Variants in ITGA9 observed in about 807,000 individuals in gnomAD.
ITGA9 encodes the protein integrin alpha-9.
A neutral mutation model predicts 127.8 loss-of-function variants in ITGA9; 56 were observed. That is an observed-to-expected ratio of 0.44 (90% confidence interval 0.35 to 0.55). ITGA9 has a LOEUF of 0.55. Among genes scored for constraint, ITGA9 ranks in the 20% least tolerant of loss-of-function variants. ITGA9 has a pLI of 0.00. For missense variants in ITGA9, 1,196 were observed against 1,347.1 expected (o/e 0.89, Z 1.76); for synonymous variants, 508 against 514.5 (o/e 0.99, Z 0.17).
At chr3:37,698,089 T>C (rs562502422) in intron 18 of ITGA9, among the ~76,000 whole-genome samples, 84 of 152,354 alleles carry the variant, frequency 5.5e-4, no homozygotes, top group Non-Finnish European at 9.8e-4. Context: ...TGGCCAGTGA[T>C]GATGAGCATT....
intron 26 of ITGA9, among the ~76,000 whole-genome samples, chr3:37,787,066 C>A (rs1456915357): frequency 2.0e-5 from 3 of 152,192 alleles, no homozygotes; most frequent in Non-Finnish European, 4.4e-5. Context: ...TTCTTCCCTG[C>A]CTTCTGGCCA....
At chr3:37,815,608 CA>C (rs71288088) in intron 27 of ITGA9, among the ~76,000 whole-genome samples, 197 of 92,492 alleles carry the variant, frequency 2.1e-3, no homozygotes, top group Middle Eastern at 7.7e-3. Context: ...GACTCTGTCT[CA>C]AAAAAAAAAA....
chr3:37,499,874 G>C (rs565849788), intron 5 of ITGA9, among the ~76,000 whole-genome samples: 2 of 152,296 alleles, frequency 1.3e-5, no homozygotes, highest in Non-Finnish European at 2.9e-5. Context: ...TGGTATGGTA[G>C]GCATACATTT....
chr3:37,783,273 G>A (rs375897777), intron 25 of ITGA9, among the ~76,000 whole-genome samples: 86 of 152,152 alleles, frequency 5.7e-4, no homozygotes, highest in African/African-American at 1.8e-3. Context: ...GGCCTGTAAC[G>A]TTGGCAATTA....
intron 7 of ITGA9, among the ~76,000 whole-genome samples, chr3:37,508,132 C>T (rs1025563210): frequency 5.9e-5 from 9 of 152,218 alleles, no homozygotes; most frequent in Admixed American, 2.0e-4. Context: ...TCATCTCCAC[C>T]TATCCCTTTA....
chr3:37,751,621 C>T (rs951574622), intron 23 of ITGA9, among the ~76,000 whole-genome samples: 3 of 152,012 alleles, frequency 2.0e-5, no homozygotes, highest in African/African-American at 7.3e-5. Flanking sequence ...ATCATCGAGC[C>T]AAGGAAAAGC....
intron 26 of ITGA9, among the ~76,000 whole-genome samples, chr3:37,802,468 T>A (rs1697246985): frequency 6.6e-6 from 1 of 152,138 alleles, no homozygotes; most frequent in Non-Finnish European, 1.5e-5. Flanking sequence ...TCCAAAGAGA[T>A]GGCAAAGCTT....
At chr3:37,610,361 TA>T (rs2125625416) in intron 15 of ITGA9, among the ~76,000 whole-genome samples, 1 of 152,252 alleles carries the variant, frequency 6.6e-6, no homozygotes, top group African/African-American at 2.4e-5. Flanking sequence ...GGTGAGGTGG[TA>T]AAGGAAATAA....
At chr3:37,666,556 C>T (rs770425144) in intron 17 of ITGA9, among the ~76,000 whole-genome samples, 39 of 152,160 alleles carry the variant, frequency 2.6e-4, no homozygotes, top group Admixed American at 7.2e-4. Flanking sequence ...GGCGTTCCTC[C>T]GCATGGTCTC....
At chr3:37,598,026 G>A (rs1464101820) in intron 15 of ITGA9, among the ~76,000 whole-genome samples, 1 of 152,188 alleles carries the variant, frequency 6.6e-6, no homozygotes, top group African/African-American at 2.4e-5. Context: ...AACCCTATTT[G>A]CAACAGTCAC....
chr3:37,686,868 C>T (rs1265119432), intron 18 of ITGA9, among the ~76,000 whole-genome samples: 3 of 152,034 alleles, frequency 2.0e-5, no homozygotes, highest in Admixed American at 6.6e-5. Flanking sequence ...TGATAAACAG[C>T]GGATGTAAAT....
At chr3:37,525,979 T>C in intron 12 of ITGA9, 47 bp from the exon 13 acceptor site, 1 of 1,575,388 alleles carries the variant, frequency 6.3e-7, no homozygotes, top group Non-Finnish European at 8.7e-7. Flanking sequence ...CGCGGTTGTG[T>C]ATGGGCTTCA....
intron 18 of ITGA9, among the ~76,000 whole-genome samples, chr3:37,691,870 G>C (rs1210519103): frequency 1.3e-5 from 2 of 152,202 alleles, no homozygotes; most frequent in Non-Finnish European, 2.9e-5. Context: ...ATGATGTTTT[G>C]AAAACTATTT....
intron 13 of ITGA9, among the ~76,000 whole-genome samples, chr3:37,526,582 G>A (rs922321365): frequency 3.3e-5 from 5 of 152,206 alleles, no homozygotes; most frequent in African/African-American, 1.2e-4. Context: ...CAGAGGTGAG[G>A]GACATGAGCT....
chr3:37,771,218 C>G (rs1696839631), intron 23 of ITGA9, among the ~76,000 whole-genome samples: 1 of 152,142 alleles, frequency 6.6e-6, no homozygotes. Flanking sequence ...AAGGAAATGA[C>G]ATTGTTGGTC....
At chr3:37,788,496 C>T (rs1697067637) in intron 26 of ITGA9, among the ~76,000 whole-genome samples, 1 of 151,986 alleles carries the variant, frequency 6.6e-6, no homozygotes. Context: ...CATGATGACC[C>T]TTAAATTTAA....
chr3:37,512,093 C>A (rs1253882942), intron 8 of ITGA9, among the ~76,000 whole-genome samples: 1 of 102,700 alleles, frequency 9.7e-6, no homozygotes, highest in African/African-American at 4.4e-5. Flanking sequence ...TCCTTCCTTC[C>A]TTCCTTCCTT....
At chr3:37,512,045 T>C (rs1348482241) in intron 8 of ITGA9, among the ~76,000 whole-genome samples, 11 of 64,922 alleles carry the variant, frequency 1.7e-4, no homozygotes, top group East Asian at 9.9e-4. Flanking sequence ...TCTTTCTTTC[T>C]TTCTTTCTTT....
At chr3:37,456,663 G>A (rs982300821) in intron 1 of ITGA9, among the ~76,000 whole-genome samples, 1 of 152,216 alleles carries the variant, frequency 6.6e-6, no homozygotes, top group Non-Finnish European at 1.5e-5. Context: ...GGCACAGAGC[G>A]AGTGCTCGGA....
Sources: gnomAD v4.1 joint callset for allele counts (sites outside exome capture counted in the v4.1 genomes callset) on GRCh38, gnomAD v4.1.1 for gene constraint, MANE v1.5 for transcripts, NCBI Gene and HGNC (gene_info 2026-07-23, HGNC 2026-07-21) for gene names.